The following KIAA1217 variants were observed in gnomAD, a reference collection of about 807,000 sequenced individuals.
The protein encoded by KIAA1217 is sickle tail protein homolog.
KIAA1217 carries 88 observed loss-of-function variants against 163.9 expected under a neutral mutation model. That is an observed-to-expected ratio of 0.54 (90% confidence interval 0.45 to 0.64). The LOEUF is 0.64. Among genes scored for constraint, KIAA1217 ranks in the 30% least tolerant of loss-of-function variants. The pLI, the probability that KIAA1217 is intolerant of heterozygous loss-of-function variation, is 0.00. For synonymous variants in KIAA1217, 903 were observed against 923.1 expected (o/e 0.98, Z 0.39); for missense variants, 2,372 against 2,475.0 (o/e 0.96, Z 0.88).
chr10:23,722,639 C>T (rs116100875), intron 1 of KIAA1217, among the ~76,000 whole-genome samples: 610 of 152,194 alleles, frequency 4.0e-3, no homozygotes, highest in African/African-American at 0.013. Context: ...AACAAAAATG[C>T]GATATAATAT....
intron 6 of KIAA1217, among the ~76,000 whole-genome samples, chr10:24,493,952 G>A (rs990810417): frequency 6.6e-6 from 1 of 152,086 alleles, no homozygotes; most frequent in African/African-American, 2.4e-5. Context: ...GAGCCACCGC[G>A]CCCGGCCGGG....
At chr10:23,817,652 T>A (rs1837368740) in intron 1 of KIAA1217, among the ~76,000 whole-genome samples, 1 of 151,864 alleles carries the variant, frequency 6.6e-6, no homozygotes, top group Non-Finnish European at 1.5e-5. Context: ...AAATTGGAGG[T>A]CAGAGTAATG....
chr10:24,378,112 C>T (rs11014071), intron 2 of KIAA1217, among the ~76,000 whole-genome samples: 70,905 of 151,884 alleles, frequency 0.47, 17,770 homozygotes, highest in African/African-American at 0.66. Flanking sequence ...ACTTTTCCTG[C>T]CCACGTTAAC....
intron 1 of KIAA1217, among the ~76,000 whole-genome samples, chr10:23,849,800 C>T (rs1839216970): frequency 1.3e-5 from 2 of 152,102 alleles, no homozygotes; most frequent in South Asian, 2.1e-4. Flanking sequence ...ACTTTCTGTT[C>T]TAACTCAGTC....
chr10:23,803,302 G>A (rs966674866), intron 1 of KIAA1217, among the ~76,000 whole-genome samples: 2 of 152,172 alleles, frequency 1.3e-5, no homozygotes, highest in African/African-American at 4.8e-5. Flanking sequence ...CCCAGCTGCT[G>A]GGAATGCCCC....
chr10:24,340,178 C>T (rs2046895607), intron 2 of KIAA1217, among the ~76,000 whole-genome samples: 1 of 152,160 alleles, frequency 6.6e-6, no homozygotes, highest in Non-Finnish European at 1.5e-5. Flanking sequence ...GATGCTGTAA[C>T]AATTTCTGCC....
chr10:23,870,481 G>A (rs1359128108), intron 1 of KIAA1217, among the ~76,000 whole-genome samples: 4 of 151,980 alleles, frequency 2.6e-5, no homozygotes, highest in African/African-American at 9.7e-5. Context: ...CACACTTCAA[G>A]AAGCACCAGG....
At chr10:23,821,334 G>T (rs1041043213) in intron 1 of KIAA1217, among the ~76,000 whole-genome samples, 3 of 152,110 alleles carry the variant, frequency 2.0e-5, no homozygotes, top group Non-Finnish European at 4.4e-5. Context: ...ATTTGGACAT[G>T]GTCACAGGAA....
intron 2 of KIAA1217, among the ~76,000 whole-genome samples, chr10:24,029,877 G>T (rs1293468280): frequency 6.6e-6 from 1 of 152,168 alleles, no homozygotes; most frequent in Non-Finnish European, 1.5e-5. Context: ...CAATGTGGCT[G>T]TGTGACAATG....
At chr10:24,389,688 C>T (rs949570801) in intron 3 of KIAA1217, among the ~76,000 whole-genome samples, 7 of 152,180 alleles carry the variant, frequency 4.6e-5, no homozygotes, top group African/African-American at 1.4e-4. Flanking sequence ...TGGAATCACC[C>T]ATACCAGTCT....
exon 1 of KIAA1217, chr10:23,694,778 G>A (rs1254890787): frequency 2.0e-5 from 3 of 152,652 alleles, no homozygotes; most frequent in Admixed American, 2.0e-4. Context: ...CCAAGCAAGC[G>A]GGAGGCGCAC....
intron 1 of KIAA1217, among the ~76,000 whole-genome samples, chr10:23,910,293 T>C (rs938774651): frequency 6.7e-6 from 1 of 148,510 alleles, no homozygotes; most frequent in Non-Finnish European, 1.5e-5. Flanking sequence ...GAACTTAAAG[T>C]ATAAAAAAAA....
intron 1 of KIAA1217, among the ~76,000 whole-genome samples, chr10:23,955,916 G>T (rs1844539724): frequency 6.6e-6 from 1 of 152,154 alleles, no homozygotes; most frequent in South Asian, 2.1e-4. Context: ...GAAACAATCA[G>T]AGGCCTGCAA....
At chr10:24,366,828 G>A (rs955752833) in intron 2 of KIAA1217, among the ~76,000 whole-genome samples, 1 of 152,224 alleles carries the variant, frequency 6.6e-6, no homozygotes, top group Non-Finnish European at 1.5e-5. Context: ...ACAACCTCAG[G>A]GATGGTGGAT....
intron 1 of KIAA1217, among the ~76,000 whole-genome samples, chr10:23,840,805 A>G (rs2131066400): frequency 6.6e-6 from 1 of 152,336 alleles, no homozygotes; most frequent in East Asian, 1.9e-4. Context: ...AATGGTCATA[A>G]TCAGAGTTCG....
chr10:24,251,187 C>T (rs1187842264), intron 2 of KIAA1217, among the ~76,000 whole-genome samples: 1 of 151,980 alleles, frequency 6.6e-6, no homozygotes, highest in East Asian at 1.9e-4. Context: ...GATCACACCA[C>T]TGCACTCCAG....
At chr10:23,877,020 A>G (rs1178088240) in intron 1 of KIAA1217, among the ~76,000 whole-genome samples, 1 of 151,938 alleles carries the variant, frequency 6.6e-6, no homozygotes, top group East Asian at 1.9e-4. Flanking sequence ...TCACATTTAA[A>G]AGTTCTGCAT....
chr10:24,519,751 C>T (rs2070786155), intron 10 of KIAA1217, among the ~76,000 whole-genome samples: 1 of 150,804 alleles, frequency 6.6e-6, no homozygotes, highest in Non-Finnish European at 1.5e-5. Context: ...GTCTCCCTCT[C>T]TCTCTCTTTC....
At chr10:23,753,055 G>T (rs76022639) in intron 1 of KIAA1217, among the ~76,000 whole-genome samples, 1 of 152,096 alleles carries the variant, frequency 6.6e-6, no homozygotes, top group Admixed American at 6.5e-5. Context: ...GATGCTCTGC[G>T]TTTTGGTTCT....
Sources: gnomAD v4.1 joint callset for allele counts (sites outside exome capture counted in the v4.1 genomes callset) on GRCh38, gnomAD v4.1.1 for gene constraint, MANE v1.5 for transcripts, NCBI Gene and HGNC (gene_info 2026-07-23, HGNC 2026-07-21) for gene names.